The following EYS variants were observed in gnomAD, a reference collection of about 807,000 sequenced individuals.
EYS encodes EGF-like photoreceptor maintenance factor, also known as protein eyes shut homolog.
EYS carries 250 observed loss-of-function variants against 282.1 expected under a neutral mutation model. The observed-to-expected ratio is 0.89, with a 90% CI of 0.80 to 0.98. EYS has a LOEUF of 0.98. Among genes scored for constraint, EYS ranks in the 50% least tolerant of loss-of-function variants. The pLI is 0.00. For missense variants in EYS, 4,016 were observed against 3,709.0 expected, an observed-to-expected ratio of 1.08 and a Z score of -2.15; for synonymous variants, 1,355 against 1,282.9, an observed-to-expected ratio of 1.06 and a Z score of -1.20.
chr6:63,809,943 T>C (rs1290847881), intron 36 of EYS, among the ~76,000 whole-genome samples: 1 of 151,958 alleles, frequency 6.6e-6, no homozygotes, highest in Non-Finnish European at 1.5e-5. Flanking sequence ...TTTTTCCTTT[T>C]AAAAATATTT....
intron 41 of EYS, among the ~76,000 whole-genome samples, chr6:63,756,548 T>C (rs1421746858): frequency 6.6e-6 from 1 of 152,188 alleles, no homozygotes; most frequent in African/African-American, 2.4e-5. Context: ...TTGAGGATTT[T>C]TGTATCAATG....
chr6:64,681,868 C>T (rs1769910209), intron 22 of EYS, among the ~76,000 whole-genome samples: 2 of 152,138 alleles, frequency 1.3e-5, no homozygotes, highest in South Asian at 4.1e-4. Context: ...CATTCTTTTA[C>T]ATTTGTTACA....
At chr6:64,819,535 A>T (rs917279785) in intron 21 of EYS, among the ~76,000 whole-genome samples, 21 of 152,172 alleles carry the variant, frequency 1.4e-4, no homozygotes, top group African/African-American at 5.1e-4. Flanking sequence ...CTTGGAAAAA[A>T]TGATTATACT....
Position 64,590,934 on chromosome 6 carries a change from AG to A in EYS, c.4932del (p.Leu1645TrpfsTer34). 6.4e-7 allele frequency: 1 copy of A among 1,550,918 alleles called. No individual in the cohort carries two copies. Among genetic ancestry groups the A allele is most frequent in the African/African-American group, 1.4e-5 (1 of 73,150 alleles). ...KSAKRTILSS[S>X]LEESITLSSN... ...CTTGATAGGGTAATGGATTCTTCCA[AG>A]GATGAGGATAAAATTGTTCTTTTTG... On this transcript the variant is annotated frameshift_variant, in exon 26 of 43. Transcript: ENST00000503581. LOFTEE classifies it high-confidence loss of function.
intron 2 of EYS, among the ~76,000 whole-genome samples, chr6:65,520,993 G>A (rs991169163): frequency 7.3e-4 from 111 of 152,236 alleles, no homozygotes; most frequent in African/African-American, 2.6e-3. Flanking sequence ...ACTGCTGATG[G>A]ACTAGGCTCA....
chr6:63,861,314 C>T (rs1014169218), intron 36 of EYS, among the ~76,000 whole-genome samples: 1 of 152,152 alleles, frequency 6.6e-6, no homozygotes, highest in Non-Finnish European at 1.5e-5. Context: ...TATTATATCT[C>T]CAGAAGAGAT....
At chr6:64,391,135 A>C (rs1193941419) in intron 28 of EYS, among the ~76,000 whole-genome samples, 2 of 152,212 alleles carry the variant, frequency 1.3e-5, no homozygotes, top group Admixed American at 1.3e-4. Flanking sequence ...TGAAAAGACC[A>C]AATCTACGAC....
At chr6:64,679,208 T>C (rs1458625687) in intron 22 of EYS, among the ~76,000 whole-genome samples, 1 of 150,196 alleles carries the variant, frequency 6.7e-6, no homozygotes, top group Non-Finnish European at 1.5e-5. Flanking sequence ...TTTTTTTTTA[T>C]GGATGTATGA....
At chr6:64,546,827 C>A (rs1355767930) in intron 26 of EYS, among the ~76,000 whole-genome samples, 2 of 152,198 alleles carry the variant, frequency 1.3e-5, no homozygotes, top group East Asian at 3.9e-4. Context: ...AATGAGATAC[C>A]ATCTCACACC....
intron 30 of EYS, among the ~76,000 whole-genome samples, chr6:64,294,286 C>A (rs1163662015): frequency 3.3e-5 from 5 of 152,100 alleles, no homozygotes; most frequent in Admixed American, 3.3e-4. Context: ...CTTATATCAG[C>A]ATAAAGCTGA....
chr6:64,593,185 A>T lies in EYS; in HGVS notation c.3809T>A (p.Val1270Asp), dbSNP rs368856942. The T allele has an allele frequency of 1.3e-6, 2 of 1,549,900 alleles. No homozygotes were observed. Among genetic ancestry groups the T allele is most frequent in the East Asian group, 2.5e-5 (1 of 40,776 alleles). ...TYTIPPSETL[V>D]SSFPSIKATR... ...AGCCTTTATAGATGGAAAGCTGCTG[A>T]CCAAAGTCTCAGAAGGGGGAATTGT... Residue 1270 changes from valine to aspartate, a missense_variant, in exon 25 of 43, where the codon GTC becomes GAC. Coordinates refer to ENST00000503581, the MANE Select transcript of EYS (RefSeq NM_001142800.2).
intron 30 of EYS, among the ~76,000 whole-genome samples, chr6:64,243,327 A>T (rs1330251914): frequency 6.6e-6 from 1 of 152,150 alleles, no homozygotes. Context: ...TCAGCTCCCA[A>T]ATCTCAGTGG....
At chr6:63,750,980 T>C (rs1295012139) in intron 41 of EYS, among the ~76,000 whole-genome samples, 1 of 152,226 alleles carries the variant, frequency 6.6e-6, no homozygotes, top group Non-Finnish European at 1.5e-5. Flanking sequence ...ATATGCTTTG[T>C]GAATTTCACC....
chr6:65,239,460 A>G (rs1767004917), intron 12 of EYS, among the ~76,000 whole-genome samples: 1 of 152,084 alleles, frequency 6.6e-6, no homozygotes, highest in Non-Finnish European at 1.5e-5. Flanking sequence ...TAAATACATA[A>G]TGTAAATTTT....
intron 22 of EYS, chr6:64,729,188 G>A (rs563403512): frequency 1.3e-5 from 2 of 152,332 alleles, no homozygotes; most frequent in African/African-American, 4.8e-5. Flanking sequence ...TTGAGGGTGG[G>A]ACCCTTGCCA....
intron 35 of EYS, among the ~76,000 whole-genome samples, chr6:63,950,397 GC>G (rs911706528): frequency 1.4e-5 from 2 of 147,630 alleles, no homozygotes; most frequent in Non-Finnish European, 3.0e-5. Flanking sequence ...TGTGACCCCC[GC>G]CCCTGCCTGC....
chr6:65,203,865 T>C (rs981916378), intron 12 of EYS, among the ~76,000 whole-genome samples: 1 of 151,588 alleles, frequency 6.6e-6, no homozygotes, highest in African/African-American at 2.4e-5. Flanking sequence ...AAAGACAAAA[T>C]AGATATATTT....
intron 22 of EYS, among the ~76,000 whole-genome samples, chr6:64,693,446 A>G (rs1770469968): frequency 6.6e-6 from 1 of 152,188 alleles, no homozygotes; most frequent in Non-Finnish European, 1.5e-5. Flanking sequence ...GTATGCACAT[A>G]GATTACTGCA....
chr6:64,444,505 A>T (rs1158184276), intron 26 of EYS, among the ~76,000 whole-genome samples: 1 of 152,198 alleles, frequency 6.6e-6, no homozygotes, highest in Non-Finnish European at 1.5e-5. Flanking sequence ...ACTAAATTTT[A>T]AAAAATTCAG....
Sources: gnomAD v4.1 joint callset for allele counts (sites outside exome capture counted in the v4.1 genomes callset) on GRCh38, gnomAD v4.1.1 for gene constraint, MANE v1.5 for transcripts, NCBI Gene and HGNC (gene_info 2026-07-23, HGNC 2026-07-21) for gene names.